Variants in DIP2C observed in about 807,000 individuals in gnomAD.
DIP2C encodes DIP2 acetate--CoA ligase C (putative).
In DIP2C, 33 loss-of-function variants were observed where a neutral mutation model predicts 192.4. That is an observed-to-expected ratio of 0.17 (90% confidence interval 0.13 to 0.23). The LOEUF is 0.23. Among genes scored for constraint, DIP2C ranks in the 10% least tolerant of loss-of-function variants. The pLI, the probability that DIP2C is intolerant of heterozygous loss-of-function variation, is 1.00. For synonymous variants in DIP2C, 979 were observed against 864.1 expected, an observed-to-expected ratio of 1.13 and a Z score of -2.33; for missense variants, 1,537 against 2,110.1, an observed-to-expected ratio of 0.73 and a Z score of 5.32.
At position 554,912 on chromosome 10, in the gene DIP2C, G is replaced by C. The variant is rs76013824; in HGVS notation, c.86-68382C>G. 3.3e-5 allele frequency among the ~76,000 whole-genome samples: 5 copies of C among 152,240 alleles called. No homozygotes were observed. The East Asian group carries it at 9.6e-4, about 29-fold the overall frequency. On this transcript the variant is annotated intron_variant, in intron 1 of 36. Coordinates refer to ENST00000280886, the MANE Select transcript of DIP2C (RefSeq NM_014974.3). ...AGACAGACACTTGGAGGCCAGACTGGCCTGCAGGAGATGACCACTTCTCTC... is the reference window on the plus strand; with the variant it reads ...AGACAGACACTTGGAGGCCAGACTGCCCTGCAGGAGATGACCACTTCTCTC...
At chr10:644,654 C>T (rs987307573) in intron 1 of DIP2C, among the ~76,000 whole-genome samples, 1 of 152,012 alleles carries the variant, frequency 6.6e-6, no homozygotes, top group East Asian at 1.9e-4. Flanking sequence ...GAATGAAACA[C>T]GGCCCCCAAA....
In DIP2C at chr10:325,520, G is replaced by C. The variant is rs149033360; in HGVS notation, c.3924+1486C>G. On this transcript the variant is annotated intron_variant, in intron 31 of 36. Coordinates refer to ENST00000280886, the MANE Select transcript of DIP2C (RefSeq NM_014974.3). ...CCAGTGCCATCTCTCACAAATCACT[G>C]ATTTCCTCTTGCCCGGGGGTCCCTG... Among the ~76,000 whole-genome samples the C allele has an allele frequency of 1.1e-3, 165 of 152,218 alleles. 1 individual carries two copies. Among genetic ancestry groups the C allele is most frequent in the African/African-American group, 3.9e-3 (161 of 41,532 alleles).
intron 3 of DIP2C, among the ~76,000 whole-genome samples, chr10:449,651 G>C (rs1469308530): frequency 5.3e-5 from 7 of 132,120 alleles, no homozygotes; most frequent in African/African-American, 2.0e-4. Context: ...GGAGGGGGGA[G>C]GGATAGCAGT....
At chr10:501,401 AAGATCTCTGCT>A (rs1845218362) in intron 1 of DIP2C, among the ~76,000 whole-genome samples, 2 of 152,182 alleles carry the variant, frequency 1.3e-5, no homozygotes, top group African/African-American at 4.8e-5. Flanking sequence ...AGAACTTGTT[AAGATCTCTGCT>A]TTGCAATACC....
chr10:333,566 G>A (rs1265829829), intron 29 of DIP2C, among the ~76,000 whole-genome samples: 2 of 152,228 alleles, frequency 1.3e-5, no homozygotes, highest in African/African-American at 2.4e-5. Flanking sequence ...TACCTGGATT[G>A]TTTCCTTGTG....
rs373811692 is a variant in DIP2C at position 324,264 on chromosome 10, G to A, written c.3924+2742C>T. On this transcript the variant is annotated intron_variant, in intron 31 of 36. Transcript: ENST00000280886. ...TTTCTTTGTAGTAAAATTTGACATAGGCTGACATGAGCCCCTTCAAGTCTG... is the reference window on the plus strand; with the variant it reads ...TTTCTTTGTAGTAAAATTTGACATAAGCTGACATGAGCCCCTTCAAGTCTG... Among the ~76,000 whole-genome samples, 164 of 152,302 alleles carry A rather than the reference G, an allele frequency of 1.1e-3. 1 individual carries two copies. The highest frequency in any genetic ancestry group is 3.8e-3 in the African/African-American group (160 of 41,576).
intron 1 of DIP2C, among the ~76,000 whole-genome samples, chr10:512,917 T>C (rs1846107283): frequency 3.0e-5 from 3 of 99,132 alleles, no homozygotes; most frequent in African/African-American, 1.1e-4. Flanking sequence ...GAGACCCCAC[T>C]TCAGGAAAAA....
chr10:418,453 C>T (rs1965954304), intron 6 of DIP2C, among the ~76,000 whole-genome samples: 1 of 152,168 alleles, frequency 6.6e-6, no homozygotes, highest in Non-Finnish European at 1.5e-5. Flanking sequence ...TAGGTTCTAC[C>T]CTGACTTTTA....
intron 20 of DIP2C, 49 bp downstream of exon 20, chr10:364,325 A>T (rs1413870252): frequency 6.4e-7 from 1 of 1,573,900 alleles, no homozygotes; most frequent in Admixed American, 1.8e-5. Flanking sequence ...CCACATAAAA[A>T]ATATGGCCGA....
intron 8 of DIP2C, among the ~76,000 whole-genome samples, chr10:409,565 A>G (rs1251218366): frequency 6.6e-6 from 1 of 152,246 alleles, no homozygotes; most frequent in East Asian, 1.9e-4. Flanking sequence ...CAGCAAGGTC[A>G]GCACAGAAAC....
chr10:341,756 G>T (rs1215376374), intron 28 of DIP2C, among the ~76,000 whole-genome samples: 2 of 152,194 alleles, frequency 1.3e-5, no homozygotes, highest in Non-Finnish European at 2.9e-5. Context: ...GCTCATACCT[G>T]TAATCAAAAC....
chr10:532,702 TGAGA>T (rs145111240), intron 1 of DIP2C, among the ~76,000 whole-genome samples: 11 of 98,546 alleles, frequency 1.1e-4, no homozygotes, highest in African/African-American at 2.7e-4. Context: ...AGTATGGGTG[TGAGA>T]GAGAGTATGG....
chr10:581,143 C>CA (rs1291056238), intron 1 of DIP2C, among the ~76,000 whole-genome samples: 1 of 152,164 alleles, frequency 6.6e-6, no homozygotes, highest in Non-Finnish European at 1.5e-5. Flanking sequence ...TAGGATTCCC[C>CA]ACCACAAAGT....
intron 1 of DIP2C, among the ~76,000 whole-genome samples, chr10:674,829 G>GAGAGAC: frequency 7.0e-6 from 1 of 142,938 alleles, no homozygotes; most frequent in East Asian, 2.1e-4. Flanking sequence ...GAGAGAGAGA[G>GAGAGAC]ACCAACACAA....
intron 9 of DIP2C, among the ~76,000 whole-genome samples, chr10:400,610 A>C (rs1174437846): frequency 3.4e-5 from 5 of 147,920 alleles, no homozygotes; most frequent in South Asian, 2.2e-4. Context: ...GTACGTGTTC[A>C]TCAGCACATG....
chr10:286,389 C>A, intron 33 of DIP2C, 42 bp from the exon 34 acceptor site: 1 of 1,563,124 alleles, frequency 6.4e-7, no homozygotes, highest in Non-Finnish European at 8.8e-7. Flanking sequence ...GGGAGGAATA[C>A]AGGGAGAGAC....
chr10:395,137 A>C (rs960839010), intron 10 of DIP2C, among the ~76,000 whole-genome samples: 1 of 42,808 alleles, frequency 2.3e-5, no homozygotes, highest in Non-Finnish European at 3.9e-5. Context: ...GAGTTGGGGG[A>C]GGGAGGAGAT....
At chr10:679,571 CCCCCCACCCA>C (rs1411354121) in intron 1 of DIP2C, among the ~76,000 whole-genome samples, 4 of 86,226 alleles carry the variant, frequency 4.6e-5, no homozygotes, top group Non-Finnish European at 9.8e-5. Context: ...CACCCATCCT[CCCCCCACCCA>C]TGCTCCCCAC....
rs200127454 is a variant in DIP2C at position 545,744 on chromosome 10, AT to A, written c.86-59215del. Among the ~76,000 whole-genome samples, 162 of 152,206 alleles carry A rather than the reference AT, an allele frequency of 1.1e-3. 2 individuals carry two copies. In the East Asian group the frequency reaches 0.027, roughly 25 times the overall value. On this transcript the variant is annotated intron_variant, in intron 1 of 36. Transcript: ENST00000280886. ...TCTTACACTGGATCCATTTTGAGCT[AT>A]TTTTTTGTGTAGGGTGAGGGAGGGT...
Sources: gnomAD v4.1 joint callset for allele counts (sites outside exome capture counted in the v4.1 genomes callset) on GRCh38, gnomAD v4.1.1 for gene constraint, MANE v1.5 for transcripts, NCBI Gene and HGNC (gene_info 2026-07-23, HGNC 2026-07-21) for gene names.